ZNF521: variants seen among roughly 807,000 people sequenced by gnomAD.
ZNF521 encodes the protein LYST-interacting protein 3.
ZNF521 carries 14 observed loss-of-function variants against 105.5 expected under a neutral mutation model. The ratio of observed to expected loss-of-function variants is 0.13; its 90% CI spans 0.09 to 0.21. The LOEUF (loss-of-function observed/expected upper bound fraction) is 0.21. Among genes scored for constraint, ZNF521 ranks in the 10% least tolerant of loss-of-function variants. The pLI, the probability that ZNF521 is intolerant of heterozygous loss-of-function variation, is 1.00. For missense variants in ZNF521, 1,233 were observed against 1,629.7 expected (o/e 0.76, Z 4.19); for synonymous variants, 635 against 606.0 (o/e 1.05, Z -0.70).
chr18:25,237,872 T>G (rs1197021785), intron 3 of ZNF521, among the ~76,000 whole-genome samples: 3 of 152,210 alleles, frequency 2.0e-5, no homozygotes, highest in Non-Finnish European at 4.4e-5. Flanking sequence ...GATTGAAGCC[T>G]ACACAGAGAA....
intron 5 of ZNF521, among the ~76,000 whole-genome samples, chr18:25,134,471 G>T (rs898621313): frequency 1.1e-4 from 16 of 152,028 alleles, no homozygotes; most frequent in African/African-American, 3.6e-4. Context: ...CTTTTGCCTG[G>T]TCTGTGAACA....
intron 2 of ZNF521, among the ~76,000 whole-genome samples, chr18:25,350,639 T>TC (rs1328896674): frequency 8.9e-5 from 13 of 146,498 alleles, no homozygotes; most frequent in East Asian, 2.0e-4. Context: ...TCTCTCTCTC[T>TC]TTTTTTTTTT....
chr18:25,329,930 G>A (rs1913463460), intron 2 of ZNF521, among the ~76,000 whole-genome samples: 2 of 152,194 alleles, frequency 1.3e-5, no homozygotes, highest in Admixed American at 1.3e-4. Context: ...GGTTCTGGGA[G>A]CCACTATGGA....
intron 4 of ZNF521, among the ~76,000 whole-genome samples, chr18:25,217,658 C>A (rs1905419024): frequency 6.6e-6 from 1 of 152,180 alleles, no homozygotes; most frequent in African/African-American, 2.4e-5. Context: ...TGGCATGATA[C>A]CCATGCAGTG....
At chr18:25,347,656 A>G (rs1914521851) in intron 2 of ZNF521, among the ~76,000 whole-genome samples, 1 of 152,240 alleles carries the variant, frequency 6.6e-6, no homozygotes, top group Admixed American at 6.5e-5. Context: ...TCAAGTAAAC[A>G]TAATTATTCC....
At position 25,184,746 on chromosome 18, in the gene ZNF521, A is replaced by G. The variant is rs145981100; in HGVS notation, c.3658+10414T>C. On this transcript the variant is annotated intron_variant, in intron 5 of 7. Coordinates refer to ENST00000361524, the MANE Select transcript of ZNF521 (RefSeq NM_015461.3). Reference sequence around the variant, plus strand: ...TAGATTTTAGTTTGAATGCTGCGCAACAGCCCAGCCTCAGAGAGAGAAAAA... The same window carrying G: ...TAGATTTTAGTTTGAATGCTGCGCAGCAGCCCAGCCTCAGAGAGAGAAAAA... 3.2e-3 allele frequency among the ~76,000 whole-genome samples: 492 copies of G among 152,328 alleles called. 2 individuals are homozygous for G. The highest frequency in any genetic ancestry group is 0.011 in the African/African-American group (466 of 41,588).
At chr18:25,295,836 T>C (rs1007937326) in intron 3 of ZNF521, among the ~76,000 whole-genome samples, 1 of 152,220 alleles carries the variant, frequency 6.6e-6, no homozygotes, top group Non-Finnish European at 1.5e-5. Context: ...TGCTGAGTCA[T>C]AGAGTTTACA....
At chr18:25,133,588 T>C (rs2034678685) in intron 5 of ZNF521, among the ~76,000 whole-genome samples, 1 of 152,198 alleles carries the variant, frequency 6.6e-6, no homozygotes, top group Non-Finnish European at 1.5e-5. Flanking sequence ...TCCTAGGTAA[T>C]GGAGACTACT....
intron 7 of ZNF521, among the ~76,000 whole-genome samples, chr18:25,074,046 CTG>C (rs1338992642): frequency 7.0e-6 from 1 of 142,110 alleles, no homozygotes; most frequent in Non-Finnish European, 1.5e-5. Flanking sequence ...ATGTGTGTGT[CTG>C]TGCACATGTG....
intron 4 of ZNF521, among the ~76,000 whole-genome samples, chr18:25,209,431 A>G (rs1035894786): frequency 1.3e-5 from 2 of 152,168 alleles, no homozygotes; most frequent in Non-Finnish European, 2.9e-5. Context: ...TCTTAAAATA[A>G]AGAGGTTATA....
chr18:25,233,042 C>T (rs147303740), intron 3 of ZNF521, among the ~76,000 whole-genome samples: 2 of 152,208 alleles, frequency 1.3e-5, no homozygotes, highest in East Asian at 1.9e-4. Flanking sequence ...TAAGAGAAGT[C>T]GGGCTCTACT....
intron 3 of ZNF521, among the ~76,000 whole-genome samples, chr18:25,264,185 C>A (rs1017253477): frequency 6.6e-6 from 1 of 152,118 alleles, no homozygotes; most frequent in Non-Finnish European, 1.5e-5. Context: ...AAACTATTAT[C>A]CTAATTTGTA....
At chr18:25,082,880 T>TA (rs1289193720) in intron 7 of ZNF521, among the ~76,000 whole-genome samples, 7 of 145,946 alleles carry the variant, frequency 4.8e-5, no homozygotes, top group African/African-American at 1.8e-4. Flanking sequence ...TTAAGCTCTG[T>TA]AGGAAATAAA....
intron 7 of ZNF521, among the ~76,000 whole-genome samples, chr18:25,085,357 A>C (rs1239799256): frequency 6.6e-6 from 1 of 151,942 alleles, no homozygotes; most frequent in Non-Finnish European, 1.5e-5. Flanking sequence ...TGATGAACGT[A>C]ACTTCTACAC....
At chr18:25,271,348 T>G (rs1232602351) in intron 3 of ZNF521, among the ~76,000 whole-genome samples, 1 of 152,194 alleles carries the variant, frequency 6.6e-6, no homozygotes, top group Non-Finnish European at 1.5e-5. Context: ...ATGCCCAAAG[T>G]AATTTACAGA....
chr18:25,248,457 T>C (rs769235122), intron 3 of ZNF521, among the ~76,000 whole-genome samples: 11 of 152,222 alleles, frequency 7.2e-5, no homozygotes, highest in Non-Finnish European at 1.3e-4. Context: ...ATTTATGCAG[T>C]GGCAGTCTTA....
chr18:25,235,709 C>T (rs1237478674), intron 3 of ZNF521, among the ~76,000 whole-genome samples: 4 of 152,196 alleles, frequency 2.6e-5, no homozygotes, highest in Non-Finnish European at 4.4e-5. Context: ...TGTATTATAA[C>T]CATGGCAGTA....
chr18:25,333,314 CTA>C (rs67351091), intron 2 of ZNF521, among the ~76,000 whole-genome samples: 5,799 of 145,678 alleles, frequency 0.04, 196 homozygotes, highest in African/African-American at 0.082. Context: ...CTCTCTCTCT[CTA>C]TATATATATA....
chr18:25,277,428 A>C (rs1482923819), intron 3 of ZNF521, among the ~76,000 whole-genome samples: 1 of 152,174 alleles, frequency 6.6e-6, no homozygotes, highest in East Asian at 1.9e-4. Flanking sequence ...AAAAATAAAA[A>C]AAACCCCTAC....
Sources: gnomAD v4.1 joint callset for allele counts (sites outside exome capture counted in the v4.1 genomes callset) on GRCh38, gnomAD v4.1.1 for gene constraint, MANE v1.5 for transcripts, NCBI Gene and HGNC (gene_info 2026-07-23, HGNC 2026-07-21) for gene names.